GOSR1: variants seen among roughly 807,000 people sequenced by gnomAD.
The protein encoded by GOSR1 is golgi SNAP receptor complex member 1, also known as 28 kDa Golgi SNARE protein.
A neutral mutation model predicts 35.5 loss-of-function variants in GOSR1; 21 were observed. That is an observed-to-expected ratio of 0.59 (90% CI 0.42 to 0.85). The LOEUF is 0.85. Ranked by LOEUF, GOSR1 falls within the 40% of genes least tolerant of loss-of-function variation. The pLI is 0.00. For synonymous variants in GOSR1, 94 were observed against 106.6 expected, an observed-to-expected ratio of 0.88 and a Z score of 0.73; for missense variants, 285 against 309.6, an observed-to-expected ratio of 0.92 and a Z score of 0.60.
At chr17:30,493,159 T>A (rs944022538) in intron 6 of GOSR1, among the ~76,000 whole-genome samples, 1 of 152,070 alleles carries the variant, frequency 6.6e-6, no homozygotes, top group Non-Finnish European at 1.5e-5. Flanking sequence ...CATGCCTGGC[T>A]AATTTTTTTG....
rs116675599 is a variant in GOSR1, at chr17:30,512,725, C to T, written c.539+1816C>T. On this transcript the variant is annotated intron_variant, in intron 7 of 8. Transcript: ENST00000451249. ...TTCATCAGCACATGAGATCTGATCA[C>T]ATTTTGCCAGGAATTCTTTACTTAA... 3.2e-3 allele frequency among the ~76,000 whole-genome samples: 488 copies of T among 152,318 alleles called. 6 individuals are homozygous for T. The highest frequency in any genetic ancestry group is 0.011 in the African/African-American group (472 of 41,568).
intron 7 of GOSR1, among the ~76,000 whole-genome samples, chr17:30,516,775 G>A (rs1416953941): frequency 4.6e-5 from 7 of 151,998 alleles, no homozygotes; most frequent in Non-Finnish European, 8.8e-5. Context: ...GTGCAGTGGC[G>A]CGATCTCAGC....
Position 30,510,903 on chromosome 17 carries a change from C to A in GOSR1, c.533C>A (p.Thr178Lys). Reference protein sequence around the residue: ...LRNSDRLIEETISIAMATKEN... With the variant: ...LRNSDRLIEEKISIAMATKEN... Reference sequence around the variant, plus strand: ...AGCTCAGATCGTCTGATAGAAGAGACAATAAGGTAGGAATAAGTTTTTGTT... The same window carrying A: ...AGCTCAGATCGTCTGATAGAAGAGAAAATAAGGTAGGAATAAGTTTTTGTT... Residue 178 changes from threonine to lysine, a missense_variant, in exon 7 of 9, where the codon ACA (threonine) becomes AAA (lysine). Transcript: ENST00000451249. 1 of 1,547,926 alleles carries A rather than the reference C, an allele frequency of 6.5e-7. No individual in the cohort carries two copies. Among genetic ancestry groups the A allele is most frequent in the Non-Finnish European group, 8.9e-7 (1 of 1,124,760 alleles).
intron 7 of GOSR1, among the ~76,000 whole-genome samples, chr17:30,511,176 A>G (rs977258907): frequency 2.0e-5 from 3 of 152,190 alleles, no homozygotes; most frequent in Non-Finnish European, 4.4e-5. Context: ...TAATATTTTC[A>G]ATCTCAGTCT....
At chr17:30,521,390 C>T (rs1436462472) in intron 8 of GOSR1, among the ~76,000 whole-genome samples, 4 of 151,430 alleles carry the variant, frequency 2.6e-5, no homozygotes, top group Non-Finnish European at 5.9e-5. Context: ...ACCATGTTGC[C>T]CAGGCGAGTC....
chr17:30,519,774 G>T, intron 7 of GOSR1, 165 bp from the exon 8 acceptor site: 1 of 551,802 alleles, frequency 1.8e-6, no homozygotes, highest in Non-Finnish European at 3.2e-6. Flanking sequence ...TGGAAAAAGC[G>T]CAGTGGTAAA....
chr17:30,496,170 G>T (rs532977489), intron 6 of GOSR1, among the ~76,000 whole-genome samples: 1 of 152,064 alleles, frequency 6.6e-6, no homozygotes, highest in African/African-American at 2.4e-5. Flanking sequence ...AGGCCAATAC[G>T]TGCATTGGAC....
At chr17:30,511,129 G>C (rs976888921) in intron 7 of GOSR1, among the ~76,000 whole-genome samples, 2 of 152,044 alleles carry the variant, frequency 1.3e-5, no homozygotes, top group African/African-American at 4.8e-5. Context: ...TAATTAAGCT[G>C]TTTTACTTAG....
chr17:30,489,567 G>C (rs778758914), intron 4 of GOSR1, among the ~76,000 whole-genome samples: 11 of 152,256 alleles, frequency 7.2e-5, no homozygotes, highest in Non-Finnish European at 1.5e-4. Context: ...GGGACTCTGG[G>C]AGACAAGATT....
At chr17:30,517,513 C>A (rs1967866196) in intron 7 of GOSR1, among the ~76,000 whole-genome samples, 1 of 152,098 alleles carries the variant, frequency 6.6e-6, no homozygotes, top group African/African-American at 2.4e-5. Flanking sequence ...ATAATACTAA[C>A]TCATCCTTTT....
chr17:30,495,328 C>A, intron 6 of GOSR1: 1 of 420,520 alleles, frequency 2.4e-6, no homozygotes, highest in South Asian at 1.7e-5. Context: ...ACATTCATTA[C>A]TTGACCAGGC....
chr17:30,484,064 G>T, intron 2 of GOSR1, 150 bp from the exon 3 acceptor site: 1 of 518,308 alleles, frequency 1.9e-6, no homozygotes, highest in Non-Finnish European at 3.5e-6. Context: ...ATTCCTTTGG[G>T]GTAAAAATGT....
chr17:30,481,281 C>T (rs1344071030), intron 2 of GOSR1, 24 bp downstream of exon 2: 2 of 1,564,084 alleles, frequency 1.3e-6, no homozygotes, highest in Non-Finnish European at 1.8e-6. Flanking sequence ...CAGATTCTGT[C>T]TCCTATGCCT....
chr17:30,519,807 C>T (rs1245606122), intron 7 of GOSR1, 132 bp from the exon 8 acceptor site: 3 of 620,124 alleles, frequency 4.8e-6, no homozygotes, highest in Non-Finnish European at 8.5e-6. Flanking sequence ...GTGATTTTTT[C>T]CCCTTATTTT....
At chr17:30,487,320 A>T (rs1914739678) in intron 4 of GOSR1, among the ~76,000 whole-genome samples, 1 of 152,180 alleles carries the variant, frequency 6.6e-6, no homozygotes, top group Non-Finnish European at 1.5e-5. Context: ...TTCCAAATGG[A>T]TCCAAGAAGG....
At chr17:30,483,350 C>T (rs1012295574) in intron 2 of GOSR1, among the ~76,000 whole-genome samples, 1 of 152,092 alleles carries the variant, frequency 6.6e-6, no homozygotes, top group African/African-American at 2.4e-5. Flanking sequence ...ATTTATTCAG[C>T]AGAAGTTTAA....
At chr17:30,517,758 C>G (rs1324775611) in intron 7 of GOSR1, among the ~76,000 whole-genome samples, 3 of 152,162 alleles carry the variant, frequency 2.0e-5, no homozygotes, top group Non-Finnish European at 4.4e-5. Context: ...CTGTATATAC[C>G]TCCTTACACA....
chr17:30,510,995 T>G, intron 7 of GOSR1, 86 bp downstream of exon 7: 1 of 786,436 alleles, frequency 1.3e-6, no homozygotes, highest in Non-Finnish European at 2.1e-6. Context: ...GTTTTAGAAT[T>G]AAAGAAAAAA....
chr17:30,478,275 C>G (rs73279515), intron 1 of GOSR1, among the ~76,000 whole-genome samples: 3,377 of 152,322 alleles, frequency 0.022, 118 homozygotes, highest in African/African-American at 0.07. Flanking sequence ...TCCCAACTGT[C>G]TCTTTGCTTT....
Sources: gnomAD v4.1 joint callset for allele counts (sites outside exome capture counted in the v4.1 genomes callset) on GRCh38, gnomAD v4.1.1 for gene constraint, MANE v1.5 for transcripts, NCBI Gene and HGNC (gene_info 2026-07-23, HGNC 2026-07-21) for gene names.